Variants in PIK3C3 observed in about 807,000 individuals in gnomAD.
PIK3C3 encodes the protein phosphatidylinositol 3-kinase catalytic subunit type 3, also known as PI3-kinase type 3.
A neutral mutation model predicts 126.1 loss-of-function variants in PIK3C3; 95 were observed. The observed-to-expected ratio is 0.75, with a 90% confidence interval of 0.64 to 0.89. The LOEUF is 0.89. PIK3C3 is among the 40% of genes least tolerant of loss of function. The probability of loss-of-function intolerance (pLI) is 0.00; values close to 1 mark genes in which losing one functional copy is unlikely to be tolerated. For missense variants in PIK3C3, 829 were observed against 1,063.2 expected, an observed-to-expected ratio of 0.78 and a Z score of 3.06; for synonymous variants, 374 against 360.0, an observed-to-expected ratio of 1.04 and a Z score of -0.44.
chr18:42,043,980 A>T (rs1567997873), intron 20 of PIK3C3, among the ~76,000 whole-genome samples, 163 bp downstream of exon 20: 1 of 152,242 alleles, frequency 6.6e-6, no homozygotes, highest in Non-Finnish European at 1.5e-5. Context: ...GCTTTGACAT[A>T]ATAGTATTAA....
chr18:42,002,702 A>G (rs1040625036), intron 9 of PIK3C3, among the ~76,000 whole-genome samples: 5 of 152,172 alleles, frequency 3.3e-5, no homozygotes, highest in Non-Finnish European at 1.5e-5. Flanking sequence ...TCTGCTAACA[A>G]TAGGAAATTT....
At chr18:41,999,855 G>A (rs1168086143) in intron 9 of PIK3C3, among the ~76,000 whole-genome samples, 2 of 152,046 alleles carry the variant, frequency 1.3e-5, no homozygotes, top group Non-Finnish European at 2.9e-5. Flanking sequence ...TTATTTGGTG[G>A]TCATTTTTTT....
At chr18:42,028,343 A>AT (rs1418027412) in intron 14 of PIK3C3, among the ~76,000 whole-genome samples, 1 of 152,114 alleles carries the variant, frequency 6.6e-6, no homozygotes, top group Non-Finnish European at 1.5e-5. Flanking sequence ...TATATAATGT[A>AT]TTTTTGCCTT....
Position 42,049,539 on chromosome 18 carries a change from T to A in PIK3C3, c.2197T>A (p.Cys733Ser), listed in dbSNP as rs1458709423. The A allele has an allele frequency of 1.2e-6, 2 of 1,613,162 alleles. No homozygotes were observed. The highest frequency in any genetic ancestry group is 1.7e-6 in the Non-Finnish European group (2 of 1,179,192). ...TTTAACTGTTACTGCAGCTGGATAT[T>A]GCGTGATCACCTATATACTTGGAGT... ...DTYVKSCAGY[C>S]VITYILGVGD... Residue 733 changes from cysteine to serine, a missense_variant, in exon 21 of 25, where the codon TGC (cysteine) becomes AGC (serine). Coordinates refer to ENST00000262039, the MANE Select transcript of PIK3C3 (RefSeq NM_002647.4).
At chr18:42,051,311 TC>T (rs1568001220) in intron 21 of PIK3C3, 1 of 152,222 alleles carries the variant, frequency 6.6e-6, no homozygotes, top group Non-Finnish European at 1.5e-5. Context: ...CTTCTGCTCT[TC>T]CATGAACCTG....
Position 41,962,529 on chromosome 18 carries a change from C to T in PIK3C3, c.298C>T (p.Leu100=). Reference sequence around the variant, plus strand: ...GAAACTACCAGTAAAATACCCTGACCTGCCCAGGAATGCCCAAGTGGCCCT... The same window carrying T: ...GAAACTACCAGTAAAATACCCTGACTTGCCCAGGAATGCCCAAGTGGCCCT... The part of the protein sequence containing the change: ...WLKLPVKYPD[L]PRNAQVALTI... The change falls in exon 3 of 25, where the codon CTG becomes TTG. Residue 100 remains leucine, a synonymous_variant. Coordinates refer to ENST00000262039, the MANE Select transcript of PIK3C3 (RefSeq NM_002647.4). 8 of 1,612,654 alleles carry T rather than the reference C, an allele frequency of 5.0e-6. No homozygotes were observed. Among genetic ancestry groups the T allele is most frequent in the Non-Finnish European group, 6.8e-6 (8 of 1,179,048 alleles).
At chr18:41,961,964 C>T (rs1980110661) in intron 2 of PIK3C3, among the ~76,000 whole-genome samples, 3 of 152,078 alleles carry the variant, frequency 2.0e-5, no homozygotes, top group Non-Finnish European at 4.4e-5. Flanking sequence ...ACAGAAAATT[C>T]TCGCATAAGA....
intron 21 of PIK3C3, chr18:42,051,377 G>A (rs933349942): frequency 4.6e-5 from 7 of 152,084 alleles, no homozygotes; most frequent in Non-Finnish European, 2.9e-5. Context: ...AGATGTTTAC[G>A]TTACTCTTTA....
chr18:41,955,393 C>G lies in PIK3C3; in HGVS notation c.68+34C>G, dbSNP rs186721861. The stretch of plus-strand genomic sequence containing the variant: ...ACACTCGGGACAGGGAGTGGGATTG[C>G]TGGGGCGTAGGGACGTGGGGGCAGG... On this transcript the variant is annotated intron_variant, in intron 1 of 24. Coordinates refer to ENST00000262039, the MANE Select transcript of PIK3C3 (RefSeq NM_002647.4). 2.0e-4 allele frequency: 322 copies of G among 1,580,614 alleles called. 1 individual carries two copies. In the East Asian group the frequency reaches 7.1e-3, roughly 35 times the overall value.
At chr18:42,064,609 G>C (rs1017751532) in intron 22 of PIK3C3, 131 bp from the exon 23 acceptor site, 13 of 582,046 alleles carry the variant, frequency 2.2e-5, no homozygotes, top group Non-Finnish European at 4.1e-5. Context: ...ACCAACTGAT[G>C]AATTTTCTGC....
chr18:42,034,059 A>C, intron 16 of PIK3C3, 102 bp downstream of exon 16: 1 of 707,506 alleles, frequency 1.4e-6, no homozygotes, highest in Non-Finnish European at 2.2e-6. Flanking sequence ...GATCACATCT[A>C]TAATTCTAGT....
At chr18:42,033,292 T>C (rs1001760907) in intron 15 of PIK3C3, among the ~76,000 whole-genome samples, 2 of 151,982 alleles carry the variant, frequency 1.3e-5, no homozygotes, top group Admixed American at 1.3e-4. Flanking sequence ...AGAAAATGAA[T>C]GATGATGATA....
At chr18:42,054,138 A>C (rs4988829) in intron 21 of PIK3C3, among the ~76,000 whole-genome samples, 9,521 of 20,220 alleles carry the variant, frequency 0.47, 560 homozygotes, top group South Asian at 0.54. Flanking sequence ...ATATATATAT[A>C]TATATATATA....
At chr18:42,054,885 G>C (rs892102809) in intron 21 of PIK3C3, among the ~76,000 whole-genome samples, 1 of 151,026 alleles carries the variant, frequency 6.6e-6, no homozygotes, top group Non-Finnish European at 1.5e-5. Context: ...GGGCTATTAG[G>C]TTTTCTTTGC....
chr18:42,039,377 A>T (rs1026260423), intron 18 of PIK3C3, among the ~76,000 whole-genome samples: 2 of 152,234 alleles, frequency 1.3e-5, no homozygotes, highest in Non-Finnish European at 2.9e-5. Flanking sequence ...ATGATATTTT[A>T]AAAAGTGCAA....
At chr18:42,080,255 C>T (rs1024951494) in intron 24 of PIK3C3, among the ~76,000 whole-genome samples, 1 of 152,156 alleles carries the variant, frequency 6.6e-6, no homozygotes, top group South Asian at 2.1e-4. Context: ...TTTTTATTCA[C>T]ATGAAAAATA....
chr18:42,032,537 G>C (rs1983873900), intron 15 of PIK3C3, among the ~76,000 whole-genome samples: 1 of 152,034 alleles, frequency 6.6e-6, no homozygotes, highest in South Asian at 2.1e-4. Context: ...GAGAAATCAT[G>C]GTGGCTGGGT....
chr18:42,021,540 CA>C (rs1289102213), intron 13 of PIK3C3, among the ~76,000 whole-genome samples: 1 of 152,194 alleles, frequency 6.6e-6, no homozygotes, highest in East Asian at 1.9e-4. Flanking sequence ...GACCTGCCTA[CA>C]GCCTTCTTTA....
At chr18:41,962,368 T>TA in intron 2 of PIK3C3, 121 bp from the exon 3 acceptor site, 1 of 652,252 alleles carries the variant, frequency 1.5e-6, no homozygotes, top group Non-Finnish European at 2.3e-6. Flanking sequence ...TATTATTTTT[T>TA]AGAGTCTAAC....
Sources: allele counts gnomAD v4.1 joint callset (sites outside exome capture counted in the v4.1 genomes callset), GRCh38; gene constraint gnomAD v4.1.1; transcripts MANE v1.5; gene names NCBI Gene and HGNC (gene_info 2026-07-23, HGNC 2026-07-21).